UNC5D: variants seen among roughly 807,000 people sequenced by gnomAD.
The protein encoded by UNC5D is netrin receptor UNC5D.
Under a neutral mutation model 105.4 loss-of-function variants are expected in UNC5D, and 39 were observed. That is an observed-to-expected ratio of 0.37 (90% confidence interval 0.29 to 0.48). The LOEUF is 0.48. UNC5D is among the 20% of genes least tolerant of loss of function. The pLI is 0.98. For synonymous variants in UNC5D, 452 were observed against 450.4 expected (o/e 1.00, Z -0.04); for missense variants, 991 against 1,202.4 (o/e 0.82, Z 2.60).
At chr8:35,557,558 C>A (rs1460445707) in intron 2 of UNC5D, among the ~76,000 whole-genome samples, 1 of 152,148 alleles carries the variant, frequency 6.6e-6, no homozygotes, top group Non-Finnish European at 1.5e-5. Flanking sequence ...ACTATGTTGG[C>A]CTGAAGACAT....
At chr8:35,338,594 A>C (rs1811224866) in intron 1 of UNC5D, among the ~76,000 whole-genome samples, 2 of 152,140 alleles carry the variant, frequency 1.3e-5, no homozygotes, top group South Asian at 4.1e-4. Flanking sequence ...TGCCCATTGC[A>C]GGACTGGCAT....
intron 1 of UNC5D, among the ~76,000 whole-genome samples, chr8:35,276,929 C>A (rs1805814900): frequency 6.6e-6 from 1 of 152,148 alleles, no homozygotes; most frequent in Non-Finnish European, 1.5e-5. Context: ...CACCCTAGCA[C>A]CTGGACCCAT....
intron 4 of UNC5D, among the ~76,000 whole-genome samples, chr8:35,627,483 T>C (rs184733565): frequency 3.0e-3 from 457 of 152,328 alleles, no homozygotes; most frequent in Non-Finnish European, 3.8e-3. Flanking sequence ...ATTTATAGTA[T>C]GTTGGTCTTC....
intron 1 of UNC5D, among the ~76,000 whole-genome samples, chr8:35,290,029 A>G (rs1806919551): frequency 6.6e-6 from 1 of 152,138 alleles, no homozygotes; most frequent in Non-Finnish European, 1.5e-5. Context: ...AAAATGATGA[A>G]AGGCAAGTGT....
chr8:35,470,469 G>A (rs1809623244), intron 1 of UNC5D, among the ~76,000 whole-genome samples: 1 of 151,790 alleles, frequency 6.6e-6, no homozygotes, highest in African/African-American at 2.4e-5. Context: ...CAAAGAATGA[G>A]CATAGGCCAG....
At chr8:35,341,264 A>C (rs1811434165) in intron 1 of UNC5D, among the ~76,000 whole-genome samples, 1 of 152,068 alleles carries the variant, frequency 6.6e-6, no homozygotes. Flanking sequence ...GACACTTGTC[A>C]CTCATTTTTG....
intron 1 of UNC5D, among the ~76,000 whole-genome samples, chr8:35,326,342 G>A (rs772973327): frequency 6.6e-6 from 1 of 152,164 alleles, no homozygotes; most frequent in Non-Finnish European, 1.5e-5. Context: ...AGAAGGGATA[G>A]GTCAAAGCAC....
chr8:35,264,339 A>G (rs1018245570), intron 1 of UNC5D, among the ~76,000 whole-genome samples: 5 of 152,230 alleles, frequency 3.3e-5, no homozygotes, highest in Non-Finnish European at 7.3e-5. Context: ...ACGCCTTTTC[A>G]TGTGAAATGT....
intron 1 of UNC5D, among the ~76,000 whole-genome samples, chr8:35,443,440 G>C (rs1056509225): frequency 1.3e-5 from 2 of 151,642 alleles, no homozygotes; most frequent in Non-Finnish European, 2.9e-5. Context: ...GAGGAGATGG[G>C]AATCTAAAGC....
chr8:35,396,561 G>A (rs1165833037), intron 1 of UNC5D, among the ~76,000 whole-genome samples: 3 of 151,712 alleles, frequency 2.0e-5, no homozygotes, highest in Admixed American at 1.3e-4. Context: ...GCAGTGGTGC[G>A]ATCTCAGCTC....
chr8:35,336,885 T>A (rs775911362), intron 1 of UNC5D, among the ~76,000 whole-genome samples: 6 of 152,138 alleles, frequency 3.9e-5, no homozygotes, highest in Non-Finnish European at 5.9e-5. Context: ...GTGGCACTTG[T>A]CACCTGCTTT....
chr8:35,384,379 G>C (rs888005146), intron 1 of UNC5D, among the ~76,000 whole-genome samples: 1 of 152,174 alleles, frequency 6.6e-6, no homozygotes, highest in Non-Finnish European at 1.5e-5. Context: ...AAATATGGGT[G>C]CACTCACATG....
chr8:35,236,435 C>A (rs1802468513), intron 1 of UNC5D, among the ~76,000 whole-genome samples: 2 of 384 alleles, frequency 5.2e-3, no homozygotes, highest in South Asian at 0.14. Flanking sequence ...GAGGTCCCAG[C>A]CAGCCCTGGA....
chr8:35,683,806 A>C, intron 5 of UNC5D, 79 bp downstream of exon 5: 4 of 1,336,264 alleles, frequency 3.0e-6, no homozygotes, highest in Non-Finnish European at 3.9e-6. Flanking sequence ...TAAAACTTTC[A>C]ATGTCGAGAG....
chr8:35,734,782 A>ATTT (rs1171276656), intron 11 of UNC5D, among the ~76,000 whole-genome samples: 10 of 126,718 alleles, frequency 7.9e-5, no homozygotes, highest in African/African-American at 1.3e-4. Flanking sequence ...CACACTTTAA[A>ATTT]TTTTTTTTTT....
intron 9 of UNC5D, chr8:35,724,079 T>A (rs1828729429): frequency 7.5e-7 from 1 of 1,340,762 alleles, no homozygotes; most frequent in Non-Finnish European, 9.6e-7. Flanking sequence ...GATGCCAGCG[T>A]GTTCCGTGGA....
At chr8:35,345,128 C>T (rs1279624983) in intron 1 of UNC5D, among the ~76,000 whole-genome samples, 2 of 151,956 alleles carry the variant, frequency 1.3e-5, no homozygotes, top group Non-Finnish European at 2.9e-5. Flanking sequence ...TAGGCATTTA[C>T]CTAAAAATAC....
chr8:35,592,665 A>G (rs1442524386), intron 3 of UNC5D, among the ~76,000 whole-genome samples: 1 of 152,210 alleles, frequency 6.6e-6, no homozygotes. Context: ...TCCTGGCACC[A>G]GTATCAGGTA....
chr8:35,670,445 C>T (rs1824709308), intron 4 of UNC5D, among the ~76,000 whole-genome samples: 1 of 152,120 alleles, frequency 6.6e-6, no homozygotes, highest in Non-Finnish European at 1.5e-5. Context: ...ATAGCGAAGA[C>T]ATGGAACCAA....
Sources: allele counts gnomAD v4.1 joint callset (sites outside exome capture counted in the v4.1 genomes callset), GRCh38; gene constraint gnomAD v4.1.1; transcripts MANE v1.5; gene names NCBI Gene and HGNC (gene_info 2026-07-23, HGNC 2026-07-21).